ANKS1B: variants seen among roughly 807,000 people sequenced by gnomAD.
ANKS1B encodes ankyrin repeat and sterile alpha motif domain-containing protein 1B.
A neutral mutation model predicts 148.3 loss-of-function variants in ANKS1B; 36 were observed. The observed-to-expected ratio is 0.24, with a 90% CI of 0.19 to 0.32. The LOEUF (loss-of-function observed/expected upper bound fraction) is 0.32, where lower values mean the gene tolerates loss of function less well. Among genes scored for constraint, ANKS1B ranks in the 10% least tolerant of loss-of-function variants. The pLI is 1.00. For synonymous variants in ANKS1B, 542 were observed against 560.8 expected, an observed-to-expected ratio of 0.97 and a Z score of 0.47; for missense variants, 1,157 against 1,542.6, an observed-to-expected ratio of 0.75 and a Z score of 4.19.
chr12:98,826,871 CA>C (rs2099253087), intron 19 of ANKS1B, among the ~76,000 whole-genome samples: 1 of 152,060 alleles, frequency 6.6e-6, no homozygotes, highest in South Asian at 2.1e-4. Flanking sequence ...ATTGTCTAAA[CA>C]CATAACTTCA....
intron 10 of ANKS1B, among the ~76,000 whole-genome samples, chr12:99,461,518 T>C (rs2095969778): frequency 6.6e-6 from 1 of 152,190 alleles, no homozygotes; most frequent in South Asian, 2.1e-4. Flanking sequence ...TTCTTCCACA[T>C]GACAGTGTAA....
chr12:99,374,314 T>A (rs73372059), intron 12 of ANKS1B, among the ~76,000 whole-genome samples: 6,543 of 152,206 alleles, frequency 0.043, 441 homozygotes, highest in African/African-American at 0.14. Context: ...AGTTTGCAGG[T>A]TTTCCCCGTG....
chr12:99,707,795 C>T (rs902274682), intron 8 of ANKS1B, among the ~76,000 whole-genome samples: 2 of 151,856 alleles, frequency 1.3e-5, no homozygotes, highest in Middle Eastern at 3.4e-3. Flanking sequence ...TCATAGGCTT[C>T]GCTGTCTTAG....
At chr12:99,881,123 T>C (rs959901825) in intron 1 of ANKS1B, among the ~76,000 whole-genome samples, 1 of 152,180 alleles carries the variant, frequency 6.6e-6, no homozygotes, top group Non-Finnish European at 1.5e-5. Flanking sequence ...CTACACCTGG[T>C]ACACCAAAAC....
chr12:98,794,118 G>A (rs1249798377), intron 22 of ANKS1B, among the ~76,000 whole-genome samples: 2 of 152,076 alleles, frequency 1.3e-5, no homozygotes, highest in Admixed American at 6.6e-5. Flanking sequence ...TTGGCCAGGC[G>A]CGGTGGCTCA....
At chr12:99,829,339 GCCTTGT>G (rs1475562623) in intron 1 of ANKS1B, among the ~76,000 whole-genome samples, 2 of 151,966 alleles carry the variant, frequency 1.3e-5, no homozygotes, top group African/African-American at 4.8e-5. Flanking sequence ...ACAAGGTGAA[GCCTTGT>G]CTCTACTAAA....
At chr12:99,202,300 C>A (rs1601640537) in intron 14 of ANKS1B, among the ~76,000 whole-genome samples, 2 of 152,202 alleles carry the variant, frequency 1.3e-5, no homozygotes, top group Non-Finnish European at 2.9e-5. Context: ...TTGCCCGCAG[C>A]CCCCTTCTAC....
chr12:99,453,402 C>T (rs2095791647), intron 10 of ANKS1B, among the ~76,000 whole-genome samples: 1 of 152,182 alleles, frequency 6.6e-6, no homozygotes, highest in African/African-American at 2.4e-5. Flanking sequence ...TCTCAGATCT[C>T]TTGCACTGAG....
chr12:98,839,532 G>T (rs2099394278), intron 17 of ANKS1B, among the ~76,000 whole-genome samples: 1 of 152,096 alleles, frequency 6.6e-6, no homozygotes, highest in Non-Finnish European at 1.5e-5. Context: ...CAGAACTAAG[G>T]TACTAACTAA....
At chr12:99,956,109 CT>C (rs1467398656) in intron 1 of ANKS1B, among the ~76,000 whole-genome samples, 1 of 151,686 alleles carries the variant, frequency 6.6e-6, no homozygotes, top group Non-Finnish European at 1.5e-5. Flanking sequence ...TGAAACCTGT[CT>C]CTACTAAAAA....
At chr12:99,026,631 A>C (rs948962246) in intron 17 of ANKS1B, among the ~76,000 whole-genome samples, 63 of 152,272 alleles carry the variant, frequency 4.1e-4, no homozygotes, top group Non-Finnish European at 7.2e-4. Flanking sequence ...TAAAAAAAAA[A>C]AATCTAGATT....
At chr12:99,497,912 TA>T (rs1270393361) in intron 10 of ANKS1B, among the ~76,000 whole-genome samples, 13 of 152,068 alleles carry the variant, frequency 8.5e-5, no homozygotes, top group African/African-American at 2.4e-4. Context: ...TATAGAGTAG[TA>T]ATGCCCATTT....
chr12:99,009,676 T>C (rs576330849), intron 17 of ANKS1B, among the ~76,000 whole-genome samples: 19 of 152,108 alleles, frequency 1.2e-4, no homozygotes, highest in African/African-American at 3.9e-4. Context: ...ATTCAGAAAG[T>C]TGGGGAAGCT....
intron 8 of ANKS1B, among the ~76,000 whole-genome samples, chr12:99,700,260 C>G (rs903018569): frequency 6.6e-6 from 1 of 152,088 alleles, no homozygotes. Flanking sequence ...CCAGAGGAAC[C>G]AAAAGCCCTG....
chr12:99,738,906 G>A (rs2059844900), intron 8 of ANKS1B, among the ~76,000 whole-genome samples: 1 of 152,100 alleles, frequency 6.6e-6, no homozygotes. Context: ...GTGGCTTAGA[G>A]TTCAGGTGGA....
At chr12:99,167,168 T>C (rs2077266636) in intron 14 of ANKS1B, among the ~76,000 whole-genome samples, 1 of 151,850 alleles carries the variant, frequency 6.6e-6, no homozygotes, top group Non-Finnish European at 1.5e-5. Flanking sequence ...AGAAGAAAAC[T>C]TAGAAAAAAA....
chr12:99,933,578 T>C (rs950825412), intron 1 of ANKS1B, among the ~76,000 whole-genome samples: 1 of 152,184 alleles, frequency 6.6e-6, no homozygotes, highest in Non-Finnish European at 1.5e-5. Context: ...ACTGATTTTT[T>C]ATGTTGGTTT....
chr12:99,191,695 G>C (rs572289020), intron 14 of ANKS1B, among the ~76,000 whole-genome samples: 2 of 152,254 alleles, frequency 1.3e-5, no homozygotes, highest in South Asian at 4.2e-4. Flanking sequence ...GCCTGTCAGG[G>C]AGTAGGGAAC....
At position 99,246,439 on chromosome 12, in the gene ANKS1B, C is replaced by T. The variant is rs1314803484; in HGVS notation, c.2182G>A (p.Asp728Asn). 12 of 1,613,680 alleles carry T rather than the reference C, an allele frequency of 7.4e-6. No individual in the cohort carries two copies. The South Asian group carries it at 1.1e-4, about 15-fold the overall frequency. Residue 728 changes from aspartate (D) to asparagine (N), a missense_variant, in exon 13 of 27, where the codon GAC becomes AAC. This residue lies in a region of ANKS1B where 661 missense variants were observed against 642.1 expected (regional missense o/e 1.03). Transcript: ENST00000683438. ...RIRSLPKALI[D>N]MHLSKSVSKS... is the part of the protein sequence containing the mutation. ...GAGACACTTTTTGACAAATGCATGTCGATCAAGGCTTTAGGCAATGACCTT... is the reference window on the plus strand; with the variant it reads ...GAGACACTTTTTGACAAATGCATGTTGATCAAGGCTTTAGGCAATGACCTT...
Sources: allele counts gnomAD v4.1 joint callset (sites outside exome capture counted in the v4.1 genomes callset), GRCh38; gene constraint gnomAD v4.1.1; regional missense constraint gnomAD v4.1.1; transcripts MANE v1.5; gene names NCBI Gene and HGNC (gene_info 2026-07-23, HGNC 2026-07-21).